Variants in TNFAIP8L3 observed in about 807,000 individuals in gnomAD.
TNFAIP8L3 encodes TNF alpha induced protein 8 like 3, also known as tumor necrosis factor alpha-induced protein 8-like protein 3.
In TNFAIP8L3, 7 loss-of-function variants were observed where a neutral mutation model predicts 11.8. The ratio of observed to expected loss-of-function variants is 0.59; its 90% CI spans 0.34 to 1.11. TNFAIP8L3 has a LOEUF of 1.11. Among genes scored for constraint, TNFAIP8L3 ranks in the 50% most tolerant of loss-of-function variants. The pLI is 0.03. For missense variants in TNFAIP8L3, 219 were observed against 258.6 expected, an observed-to-expected ratio of 0.85 and a Z score of 1.05; for synonymous variants, 98 against 103.8, an observed-to-expected ratio of 0.94 and a Z score of 0.34.
At chr15:51,081,141 G>A (rs909019055) in intron 1 of TNFAIP8L3, among the ~76,000 whole-genome samples, 1 of 152,208 alleles carries the variant, frequency 6.6e-6, no homozygotes, top group African/African-American at 2.4e-5. Flanking sequence ...ACACTCAGGA[G>A]GGCTTGTGGG....
At chr15:51,083,323 C>G (rs2065405196) in intron 1 of TNFAIP8L3, among the ~76,000 whole-genome samples, 1 of 152,204 alleles carries the variant, frequency 6.6e-6, no homozygotes, top group South Asian at 2.1e-4. Context: ...GGTGGCAGAC[C>G]AATACCTCCT....
chr15:51,088,803 G>A (rs1045594478), intron 1 of TNFAIP8L3, among the ~76,000 whole-genome samples: 17 of 152,216 alleles, frequency 1.1e-4, no homozygotes, highest in African/African-American at 3.9e-4. Context: ...TGTGCTGCAC[G>A]GACTCCCCTT....
chr15:51,086,874 A>G (rs2065431688), intron 1 of TNFAIP8L3, among the ~76,000 whole-genome samples: 1 of 150,650 alleles, frequency 6.6e-6, no homozygotes, highest in South Asian at 2.1e-4. Context: ...CTTATTTCTC[A>G]TCTTGTTTTG....
chr15:51,101,819 G>A (rs1457139651), intron 1 of TNFAIP8L3, among the ~76,000 whole-genome samples: 2 of 150,478 alleles, frequency 1.3e-5, no homozygotes, highest in Non-Finnish European at 3.0e-5. Context: ...GATGGCGGGC[G>A]CCTGTAGTCC....
chr15:51,066,371 C>T (rs1188165688), intron 1 of TNFAIP8L3, among the ~76,000 whole-genome samples: 1 of 152,084 alleles, frequency 6.6e-6, no homozygotes, highest in Non-Finnish European at 1.5e-5. Flanking sequence ...ACATGTTGGC[C>T]AGGCTGGTCT....
At position 51,058,102 on chromosome 15, in the gene TNFAIP8L3, TC is replaced by T; in HGVS notation, c.393del (p.Asn132ThrfsTer22). The T allele has an allele frequency of 6.2e-7, 1 of 1,614,118 alleles. No homozygotes were observed. Among genetic ancestry groups the T allele is most frequent in the South Asian group, 1.1e-5 (1 of 91,064 alleles). ...TCATGCAGGAGATTGGAGAGCACGT[TC>T]CTATCGAAGGTGTATTCCACCTCAT... ...SFYEVEYTFD[R>X]NVLSNLLHEC... On this transcript the variant is annotated frameshift_variant, in exon 2 of 2. Transcript: ENST00000637513. LOFTEE classifies it high-confidence loss of function.
At chr15:51,098,801 T>C (rs1238945272), upstream of TNFAIP8L3, among the ~76,000 whole-genome samples, 1 of 152,254 alleles carries the variant, frequency 6.6e-6, no homozygotes, top group African/African-American at 2.4e-5. Context: ...AACAATATGT[T>C]GTGAACATCA....
Position 51,058,441 on chromosome 15 carries a change from G to A in TNFAIP8L3, c.55C>T (p.Pro19Ser). 6.9e-7 allele frequency: 1 copy of A among 1,440,034 alleles called. No individual in the cohort carries two copies. Among genetic ancestry groups the A allele is most frequent in the Non-Finnish European group, 9.0e-7 (1 of 1,110,396 alleles). The allele number at this position is 1,440,034 out of a possible 1,614,324, so 89.2% of individuals were successfully genotyped here. Residue 19 changes from proline to serine, a missense_variant and splice_region_variant, in exon 2 of 2, where the codon CCT (proline) becomes TCT (serine). Physicochemically the swap from Pro to Ser is moderately conservative, Grantham distance 74. Transcript: ENST00000637513. ...AGACTCTTTGAACTAAAAACATCAGGACCTATGGTAAAAAAAATATATATA... is the reference window on the plus strand; with the variant it reads ...AGACTCTTTGAACTAAAAACATCAGAACCTATGGTAAAAAAAATATATATA... The part of the protein sequence containing the change: ...SEGEPVTAAG[P>S]DVFSSKSLAL...
rs147222003 is a variant in TNFAIP8L3 at position 51,077,505 on chromosome 15, C to T, written c.52+17039G>A. On this transcript the variant is annotated intron_variant, in intron 1 of 1. Coordinates refer to ENST00000637513, the MANE Select transcript of TNFAIP8L3 (RefSeq NM_001311175.2). The stretch of plus-strand genomic sequence containing the variant: ...CCCGCTCCCATCTTATGCAAGGGGG[C>T]CTAGTCAAGGAACCCCCACCTGGCT... Among the ~76,000 whole-genome samples the T allele has an allele frequency of 5.9e-5, 9 of 152,306 alleles. No homozygotes were observed. In the East Asian group the frequency reaches 1.5e-3, roughly 26 times the overall value.
chr15:51,094,543 C>T lies in TNFAIP8L3; in HGVS notation c.52+1G>A. The T allele has an allele frequency of 6.7e-7, 1 of 1,500,294 alleles. No individual in the cohort carries two copies. The highest frequency in any genetic ancestry group is 8.9e-7 in the Non-Finnish European group (1 of 1,129,126). 92.9% of individuals were successfully genotyped at this position (1,500,294 alleles called of 1,614,324 possible). On this transcript the variant is annotated splice_donor_variant, in intron 1 of 1. Coordinates refer to ENST00000637513, the MANE Select transcript of TNFAIP8L3 (RefSeq NM_001311175.2). LOFTEE classifies it high-confidence loss of function. The surrounding 1 kb of genome is among the most constrained non-coding windows in gnomAD (Gnocchi z 4.4). ...CCTGGGCCGTCGCGGCCCCTAGGTA[C>T]CTGCGGCGGTCACGGGCTCGCCCTC...
upstream of TNFAIP8L3, among the ~76,000 whole-genome samples, chr15:51,098,264 T>A (rs1445026893): frequency 2.0e-5 from 3 of 152,196 alleles, no homozygotes; most frequent in African/African-American, 7.2e-5. Context: ...CTGCAAACCT[T>A]CAGCAGTGGG....
Position 51,087,380 on chromosome 15 carries a change from C to T in TNFAIP8L3, c.52+7164G>A, listed in dbSNP as rs2065436984. On this transcript the variant is annotated intron_variant, in intron 1 of 1. Coordinates refer to ENST00000637513, the MANE Select transcript of TNFAIP8L3 (RefSeq NM_001311175.2). ...TTGCCCACCTTCCCAGCATAACCCA[C>T]AGGCTCCAAATCAGGAGTGTGGGAT... is the stretch of plus-strand genomic sequence containing the variant. Among the ~76,000 whole-genome samples the T allele has an allele frequency of 2.0e-5, 3 of 152,340 alleles. No homozygotes were observed. In the South Asian group the frequency reaches 6.2e-4, roughly 32 times the overall value.
At chr15:51,081,702 G>C (rs1477082085) in intron 1 of TNFAIP8L3, among the ~76,000 whole-genome samples, 1 of 152,186 alleles carries the variant, frequency 6.6e-6, no homozygotes, top group Non-Finnish European at 1.5e-5. Context: ...AGAATGGGTG[G>C]AAACAGGCCT....
At chr15:51,066,850 G>A (rs962827975) in intron 1 of TNFAIP8L3, among the ~76,000 whole-genome samples, 16 of 152,200 alleles carry the variant, frequency 1.1e-4, no homozygotes, top group African/African-American at 3.4e-4. Context: ...CTTCCAGAGA[G>A]ACTCATTGAG....
At chr15:51,103,554 G>A (rs2065568195) in intron 1 of TNFAIP8L3, among the ~76,000 whole-genome samples, 1 of 152,166 alleles carries the variant, frequency 6.6e-6, no homozygotes, top group South Asian at 2.1e-4. Flanking sequence ...ATTTATTGAA[G>A]CTCTTTCAGG....
chr15:51,102,284 C>G (rs769753998), intron 1 of TNFAIP8L3, among the ~76,000 whole-genome samples: 1 of 152,184 alleles, frequency 6.6e-6, no homozygotes, highest in African/African-American at 2.4e-5. Context: ...AGTATCCTCT[C>G]GTGGTTTATG....
intron 1 of TNFAIP8L3, among the ~76,000 whole-genome samples, chr15:51,059,175 A>G (rs1437060586): frequency 6.6e-6 from 1 of 152,228 alleles, no homozygotes; most frequent in Non-Finnish European, 1.5e-5. Context: ...CACAGACATC[A>G]GTAACTCCAA....
chr15:51,083,796 G>A (rs1183808156), intron 1 of TNFAIP8L3, among the ~76,000 whole-genome samples: 2 of 152,242 alleles, frequency 1.3e-5, no homozygotes, highest in Non-Finnish European at 2.9e-5. Context: ...GAACAGGGCA[G>A]AAGGCTGGAT....
At chr15:51,104,942 G>A in intron 1 of TNFAIP8L3, 1 of 1,605,100 alleles carries the variant, frequency 6.2e-7, no homozygotes, top group Non-Finnish European at 8.5e-7. Context: ...CACCTTGCAT[G>A]CTTTGCACAA....
Sources: allele counts gnomAD v4.1 joint callset (sites outside exome capture counted in the v4.1 genomes callset), GRCh38; gene constraint gnomAD v4.1.1; non-coding constraint Gnocchi (gnomAD v3.1); transcripts MANE v1.5; gene names NCBI Gene and HGNC (gene_info 2026-07-23, HGNC 2026-07-21).